The following CCDC171 variants were observed in gnomAD, a reference collection of about 807,000 sequenced individuals.
CCDC171 encodes coiled-coil domain containing 171.
A neutral mutation model predicts 168.2 loss-of-function variants in CCDC171; 177 were observed. The observed-to-expected ratio is 1.05, with a 90% CI of 0.93 to 1.19. CCDC171 has a LOEUF of 1.19. CCDC171 is among the 50% of genes most tolerant of loss of function. CCDC171 has a pLI of 0.00. For synonymous variants in CCDC171, 687 were observed against 540.8 expected (o/e 1.27, Z -3.75); for missense variants, 1,991 against 1,539.0 (o/e 1.29, Z -4.91).
chr9:15,730,756 TCAA>T (rs1404397696), intron 16 of CCDC171, among the ~76,000 whole-genome samples: 1 of 151,962 alleles, frequency 6.6e-6, no homozygotes, highest in East Asian at 1.9e-4. Flanking sequence ...TTTGAATGAA[TCAA>T]CAAACGTGCC....
chr9:15,778,619 C>T (rs13302398), intron 19 of CCDC171, among the ~76,000 whole-genome samples: 63,547 of 119,562 alleles, frequency 0.53, 15,606 homozygotes, highest in South Asian at 0.63. Flanking sequence ...GTACTCCAGC[C>T]TGGCCTACAG....
intron 24 of CCDC171, among the ~76,000 whole-genome samples, chr9:15,910,480 A>G (rs1453876864): frequency 6.6e-6 from 1 of 151,978 alleles, no homozygotes; most frequent in African/African-American, 2.4e-5. Flanking sequence ...CTTGTAGTAT[A>G]ATTTGAAGTT....
intron 25 of CCDC171, among the ~76,000 whole-genome samples, chr9:15,955,924 G>A (rs1829755371): frequency 1.3e-5 from 2 of 152,142 alleles, no homozygotes; most frequent in South Asian, 4.1e-4. Flanking sequence ...TAAGAATTGA[G>A]AATTATCTGT....
At chr9:15,934,146 T>G (rs1927698) in intron 25 of CCDC171, among the ~76,000 whole-genome samples, 48,157 of 151,580 alleles carry the variant, frequency 0.32, 9,446 homozygotes, top group East Asian at 0.62. Context: ...GATATGCAAA[T>G]GCTTTGGGAG....
In CCDC171 at chr9:15,633,917, C is replaced by T. The variant is rs571217164; in HGVS notation, c.822+10504C>T. ...GAAATCATCATTCTCAGTAAACTAT[C>T]GCAAGAACAACAAACGAAACACCGC... On this transcript the variant is annotated intron_variant, in intron 7 of 25. Transcript: ENST00000380701. Among the ~76,000 whole-genome samples, 21 of 152,066 alleles carry T rather than the reference C, an allele frequency of 1.4e-4. No homozygotes were observed. The South Asian group carries it at 1.5e-3, about 11-fold the overall frequency.
At chr9:15,574,421 G>A (rs2040473658) in intron 3 of CCDC171, among the ~76,000 whole-genome samples, 1 of 152,052 alleles carries the variant, frequency 6.6e-6, no homozygotes, top group African/African-American at 2.4e-5. Context: ...GGGATTATAG[G>A]TGTGAGCCAC....
At chr9:15,569,258 G>T (rs2131022895) in intron 2 of CCDC171, among the ~76,000 whole-genome samples, 1 of 152,194 alleles carries the variant, frequency 6.6e-6, no homozygotes, top group South Asian at 2.1e-4. Context: ...TGGTTAAGAG[G>T]ATATATCATG....
intron 3 of CCDC171, among the ~76,000 whole-genome samples, chr9:15,985,759 A>T (rs1333082319): frequency 6.6e-6 from 1 of 152,198 alleles, no homozygotes; most frequent in African/African-American, 2.4e-5. Flanking sequence ...TTCCCATGAG[A>T]GGCAGAGGTA....
chr9:15,767,069 G>A (rs1021334249), intron 18 of CCDC171, among the ~76,000 whole-genome samples: 2 of 152,140 alleles, frequency 1.3e-5, no homozygotes, highest in South Asian at 2.1e-4. Context: ...AATACATGAC[G>A]AAAGTTTTTT....
At chr9:15,679,499 C>G (rs928132782) in intron 10 of CCDC171, among the ~76,000 whole-genome samples, 1 of 152,178 alleles carries the variant, frequency 6.6e-6, no homozygotes. Flanking sequence ...CCTTTGCCCT[C>G]TGTCTGTCTT....
intron 20 of CCDC171, among the ~76,000 whole-genome samples, chr9:15,782,318 CTTTG>C (rs2057706389): frequency 6.6e-6 from 1 of 152,168 alleles, no homozygotes; most frequent in African/African-American, 2.4e-5. Context: ...GTCTCATGAT[CTTTG>C]TTTATTAGCT....
In CCDC171 at chr9:15,790,263, T is replaced by G. The variant is rs557108251; in HGVS notation, c.3267+5569T>G. 1.1e-3 allele frequency among the ~76,000 whole-genome samples: 170 copies of G among 152,304 alleles called. 1 individual carries two copies. Among genetic ancestry groups the G allele is most frequent in the African/African-American group, 4.0e-3 (167 of 41,570 alleles). ...TCTCCACATTGTCTTCAGCACCTGT[T>G]GTTTCCTTTTTAATGATTGCCATTC... On this transcript the variant is annotated intron_variant, in intron 21 of 25. Coordinates refer to ENST00000380701, the MANE Select transcript of CCDC171 (RefSeq NM_173550.4).
At chr9:15,630,471 G>C (rs2045583602) in intron 7 of CCDC171, among the ~76,000 whole-genome samples, 1 of 152,150 alleles carries the variant, frequency 6.6e-6, no homozygotes, top group Admixed American at 6.5e-5. Context: ...AACAAGAAGA[G>C]CTAACTATCC....
At chr9:15,615,097 A>G (rs957683344) in intron 6 of CCDC171, among the ~76,000 whole-genome samples, 3 of 152,208 alleles carry the variant, frequency 2.0e-5, no homozygotes, top group Non-Finnish European at 4.4e-5. Context: ...AATCTCAGTT[A>G]TGAATATATA....
At chr9:15,599,835 C>G (rs961350148) in intron 6 of CCDC171, among the ~76,000 whole-genome samples, 3 of 152,130 alleles carry the variant, frequency 2.0e-5, no homozygotes, top group Non-Finnish European at 4.4e-5. Context: ...TTCTTGGAGA[C>G]TTTCTTTGTT....
At chr9:15,575,767 A>G (rs1204249039) in intron 3 of CCDC171, among the ~76,000 whole-genome samples, 2 of 152,246 alleles carry the variant, frequency 1.3e-5, no homozygotes, top group African/African-American at 4.8e-5. Context: ...TATCATCAAT[A>G]GAAATCACAG....
intron 3 of CCDC171, among the ~76,000 whole-genome samples, chr9:15,576,157 G>C (rs1490268657): frequency 6.6e-6 from 1 of 151,140 alleles, no homozygotes; most frequent in Non-Finnish European, 1.5e-5. Context: ...GTGTGTGTGT[G>C]TGTATATACA....
At chr9:15,979,588 CATTG>C (rs1564098193) in intron 3 of CCDC171, among the ~76,000 whole-genome samples, 1 of 152,060 alleles carries the variant, frequency 6.6e-6, no homozygotes. Flanking sequence ...TGATGTCTTA[CATTG>C]ATTGATTTTC....
Position 15,731,912 on chromosome 9 carries a change from T to C in CCDC171, c.2049+2114T>C, listed in dbSNP as rs187159828. On this transcript the variant is annotated intron_variant, in intron 16 of 25. Coordinates refer to ENST00000380701, the MANE Select transcript of CCDC171 (RefSeq NM_173550.4). ...ATAGTGGTTTTAAAATGGAGTTTCA[T>C]TGTGATTTAAAGTTGCATTTTTTTG... is the stretch of plus-strand genomic sequence containing the variant. 4.5e-4 allele frequency among the ~76,000 whole-genome samples: 68 copies of C among 152,168 alleles called. 1 individual carries two copies. The highest frequency in any genetic ancestry group is 1.6e-3 in the African/African-American group (66 of 41,534).
Sources: gnomAD v4.1 joint callset for allele counts (sites outside exome capture counted in the v4.1 genomes callset) on GRCh38, gnomAD v4.1.1 for gene constraint, MANE v1.5 for transcripts, NCBI Gene and HGNC (gene_info 2026-07-23, HGNC 2026-07-21) for gene names.